Variants in IQGAP1 observed in about 807,000 individuals in gnomAD.
IQGAP1 encodes the protein ras GTPase-activating-like protein IQGAP1.
In IQGAP1, 66 loss-of-function variants were observed where a neutral mutation model predicts 215.6. The ratio of observed to expected loss-of-function variants is 0.31; its 90% confidence interval spans 0.25 to 0.38. The LOEUF is 0.38. Among genes scored for constraint, IQGAP1 ranks in the 10% least tolerant of loss-of-function variants. The pLI, the probability that IQGAP1 is intolerant of heterozygous loss-of-function variation, is 1.00. For synonymous variants in IQGAP1, 772 were observed against 728.7 expected (o/e 1.06, Z -0.96); for missense variants, 1,712 against 1,997.1 (o/e 0.86, Z 2.72).
intron 2 of IQGAP1, among the ~76,000 whole-genome samples, chr15:90,424,527 A>C (rs748016230): frequency 2.0e-5 from 3 of 152,208 alleles, no homozygotes; most frequent in Non-Finnish European, 2.9e-5. Flanking sequence ...CCTAATTTAA[A>C]GGTAGAGTAG....
In IQGAP1 at chr15:90,452,952, A is replaced by T. The variant is rs1251467561; in HGVS notation, c.1326+14A>T. 41 of 1,612,818 alleles carry T rather than the reference A, an allele frequency of 2.5e-5. No homozygotes were observed. The highest frequency in any genetic ancestry group is 3.3e-5 in the Admixed American group (2 of 59,944). On this transcript the variant is annotated intron_variant, in intron 12 of 37. Transcript: ENST00000268182. The stretch of plus-strand genomic sequence containing the variant: ...CAAAGTCCTGAAGTGAGTTCACTAA[A>T]CCTGTCCTGTTTGTGAGCAAAGTTG...
chr15:90,401,370 G>A (rs986369119), intron 2 of IQGAP1, among the ~76,000 whole-genome samples: 5 of 152,150 alleles, frequency 3.3e-5, no homozygotes, highest in Admixed American at 6.5e-5. Flanking sequence ...GGAAGAATTA[G>A]TTATTTCAAT....
At chr15:90,428,136 A>G (rs1965251712) in intron 3 of IQGAP1, among the ~76,000 whole-genome samples, 1 of 152,116 alleles carries the variant, frequency 6.6e-6, no homozygotes, top group Non-Finnish European at 1.5e-5. Flanking sequence ...CAGTAATGCC[A>G]TCATGGCTCA....
chr15:90,388,576 C>T (rs1964586376), intron 1 of IQGAP1, among the ~76,000 whole-genome samples, 180 bp downstream of exon 1: 1 of 152,060 alleles, frequency 6.6e-6, no homozygotes, highest in Non-Finnish European at 1.5e-5. Flanking sequence ...TTCGCGCCCC[C>T]TCGGGGTCCG....
chr15:90,482,122 G>C (rs762436252), intron 27 of IQGAP1, 22 bp downstream of exon 27: 1 of 1,614,158 alleles, frequency 6.2e-7, no homozygotes, highest in Non-Finnish European at 8.5e-7. Flanking sequence ...CAGTTGTCAT[G>C]ACCCCCAGTA....
chr15:90,448,437 T>A, intron 9 of IQGAP1, 136 bp from the exon 10 acceptor site: 3 of 720,370 alleles, frequency 4.2e-6, no homozygotes, highest in Non-Finnish European at 6.3e-6. Flanking sequence ...ATCTTATGCT[T>A]CTGAGAATCA....
At chr15:90,395,533 G>A (rs1271396133) in intron 2 of IQGAP1, among the ~76,000 whole-genome samples, 1 of 152,130 alleles carries the variant, frequency 6.6e-6, no homozygotes, top group African/African-American at 2.4e-5. Context: ...TGTTAGCCAG[G>A]ATAGTCTTGA....
chr15:90,481,909 T>C, intron 26 of IQGAP1, 51 bp from the exon 27 acceptor site: 1 of 1,596,270 alleles, frequency 6.3e-7, no homozygotes, highest in Admixed American at 1.7e-5. Flanking sequence ...TGCTTCAGGC[T>C]GTTCCTGGCT....
At chr15:90,476,624 T>G (rs1567139010) in intron 23 of IQGAP1, 39 bp from the exon 24 acceptor site, 3 of 1,497,684 alleles carry the variant, frequency 2.0e-6, no homozygotes, top group Middle Eastern at 3.6e-4. Context: ...GGTTCATCTT[T>G]GAAAGCTTTC....
intron 2 of IQGAP1, among the ~76,000 whole-genome samples, chr15:90,398,970 A>G (rs1964764502): frequency 6.8e-6 from 1 of 147,064 alleles, no homozygotes; most frequent in African/African-American, 2.6e-5. Context: ...ACGCCACTGT[A>G]CTGCAGCCTG....
rs910361811 is a variant in IQGAP1 at position 90,501,856 on chromosome 15, A to G, written c.*1748A>G. 3.3e-5 allele frequency: 5 copies of G among 152,210 alleles called. No homozygotes were observed. In the East Asian group the frequency reaches 7.7e-4, roughly 23 times the overall value. 9.4% of individuals were successfully genotyped at this position (152,210 alleles called of 1,614,324 possible). Reference sequence around the variant, plus strand: ...CCAAAGGCCACATCCAAGACAGGCAATAATGAGCAGAGTTTACAGCTCCTT... The same window carrying G: ...CCAAAGGCCACATCCAAGACAGGCAGTAATGAGCAGAGTTTACAGCTCCTT... On this transcript the variant is annotated 3_prime_UTR_variant, in exon 38 of 38. Transcript: ENST00000268182.
At chr15:90,403,201 A>G (rs1964828319) in intron 2 of IQGAP1, among the ~76,000 whole-genome samples, 1 of 152,196 alleles carries the variant, frequency 6.6e-6, no homozygotes, top group African/African-American at 2.4e-5. Flanking sequence ...ACTTGAGCCC[A>G]AGAGTTCGAG....
intron 2 of IQGAP1, among the ~76,000 whole-genome samples, chr15:90,409,861 T>A (rs1964933816): frequency 6.6e-6 from 1 of 152,238 alleles, no homozygotes; most frequent in African/African-American, 2.4e-5. Context: ...TGAGATGGCA[T>A]CTCATTGTGG....
At chr15:90,473,043 G>A (rs188288815) in intron 19 of IQGAP1, 33 bp downstream of exon 19, 24 of 1,599,418 alleles carry the variant, frequency 1.5e-5, no homozygotes, top group Non-Finnish European at 1.9e-5. Context: ...GACAGCAAGC[G>A]GGCATCTAGA....
intron 15 of IQGAP1, among the ~76,000 whole-genome samples, chr15:90,460,717 G>A (rs1320570048): frequency 1.3e-5 from 2 of 152,162 alleles, no homozygotes; most frequent in Non-Finnish European, 2.9e-5. Flanking sequence ...TGAAAAAACT[G>A]GCCGGGTGCA....
intron 2 of IQGAP1, among the ~76,000 whole-genome samples, chr15:90,418,163 A>T (rs144918249): frequency 7.3e-4 from 111 of 152,304 alleles, no homozygotes; most frequent in African/African-American, 2.6e-3. Context: ...TCCACACAGT[A>T]GTCAGTTCGA....
In IQGAP1 at chr15:90,487,573, C is replaced by T. The variant is rs1325946165; in HGVS notation, c.4239C>T (p.Thr1413=). The change falls in exon 33 of 38, where the codon ACC becomes ACT. Residue 1413 remains threonine (T), a synonymous_variant. Transcript: ENST00000268182. ...CTGAAATCCTAGAAACACCAGCCAC[C>T]AGTGAACAGGTAAAATTTAGGGTCT... is the stretch of plus-strand genomic sequence containing the variant. ...TLTEILETPA[T]SEQEAEHQRA... is the part of the protein sequence containing the mutation. 2.5e-6 allele frequency: 4 copies of T among 1,612,250 alleles called. No individual in the cohort carries two copies. The highest frequency in any genetic ancestry group is 2.7e-5 in the African/African-American group (2 of 74,848).
Position 90,491,557 on chromosome 15 carries a change from G to A in IQGAP1, c.4461+12G>A, listed in dbSNP as rs1425298007. On this transcript the variant is annotated intron_variant, in intron 34 of 37. Coordinates refer to ENST00000268182, the MANE Select transcript of IQGAP1 (RefSeq NM_003870.4). Reference sequence around the variant, plus strand: ...ACGACATTGCCAGGGTACTGCATTCGGGGGACAGAGGGGACCCGGCCTTGT... The same window carrying A: ...ACGACATTGCCAGGGTACTGCATTCAGGGGACAGAGGGGACCCGGCCTTGT... 18 of 1,606,352 alleles carry A rather than the reference G, an allele frequency of 1.1e-5. No individual in the cohort carries two copies. The highest frequency in any genetic ancestry group is 2.2e-5 in the South Asian group (2 of 90,860).
At chr15:90,448,775 A>G in intron 10 of IQGAP1, 39 bp downstream of exon 10, 5 of 1,423,372 alleles carry the variant, frequency 3.5e-6, no homozygotes, top group African/African-American at 1.5e-5. Context: ...GAGTTTGTAT[A>G]TATCCATTCG....
Sources: allele counts gnomAD v4.1 joint callset (sites outside exome capture counted in the v4.1 genomes callset), GRCh38; gene constraint gnomAD v4.1.1; transcripts MANE v1.5; gene names NCBI Gene and HGNC (gene_info 2026-07-23, HGNC 2026-07-21).